PACRG: variants seen among roughly 807,000 people sequenced by gnomAD.
The protein encoded by PACRG is parkin coregulated gene protein.
A neutral mutation model predicts 29.7 loss-of-function variants in PACRG; 29 were observed. The ratio of observed to expected loss-of-function variants is 0.98; its 90% CI spans 0.73 to 1.33. The LOEUF is 1.33. Among genes scored for constraint, PACRG ranks in the 40% most tolerant of loss-of-function variants. The probability of loss-of-function intolerance (pLI) is 0.00; values close to 1 mark genes in which losing one functional copy is unlikely to be tolerated. For missense variants in PACRG, 279 were observed against 316.2 expected (o/e 0.88, Z 0.89); for synonymous variants, 116 against 118.7 (o/e 0.98, Z 0.15).
At chr6:162,970,223 C>T (rs1229038839) in intron 2 of PACRG, among the ~76,000 whole-genome samples, 1 of 152,156 alleles carries the variant, frequency 6.6e-6, no homozygotes, top group Non-Finnish European at 1.5e-5. Flanking sequence ...ATCCCCCAGG[C>T]TGTGCAGATG....
At position 162,894,593 on chromosome 6, in the gene PACRG, A is replaced by G. The variant is rs80143594; in HGVS notation, c.291+80312A>G. Among the ~76,000 whole-genome samples, 224 of 152,328 alleles carry G rather than the reference A, an allele frequency of 1.5e-3. 2 individuals carry two copies. The East Asian group carries it at 0.018, about 12-fold the overall frequency. ...CTGTCTACAAATGAAAATCAGGCCA[A>G]TGCCTGTGGCCTGCAAGGCTTCTCG... On this transcript the variant is annotated intron_variant, in intron 2 of 4. Transcript: ENST00000366888.
intron 4 of PACRG, among the ~76,000 whole-genome samples, chr6:163,306,126 A>G (rs1175148934): frequency 1.3e-5 from 2 of 152,250 alleles, no homozygotes; most frequent in African/African-American, 2.4e-5. Context: ...GGGAATAATA[A>G]TAGTATTTAG....
Position 162,926,605 on chromosome 6 carries a change from C to T in PACRG, c.291+112324C>T, listed in dbSNP as rs143354128. ...TGTGAGAGAACTGGCTAACCATATGCGGAAAACTGAAACTGGGTCCCTTCC... is the reference window on the plus strand; with the variant it reads ...TGTGAGAGAACTGGCTAACCATATGTGGAAAACTGAAACTGGGTCCCTTCC... On this transcript the variant is annotated intron_variant, in intron 2 of 4. Transcript: ENST00000366888. 9.6e-3 allele frequency among the ~76,000 whole-genome samples: 1,461 copies of T among 152,120 alleles called. 16 individuals carry two copies. Among genetic ancestry groups the T allele is most frequent in the Non-Finnish European group, 0.014 (950 of 67,956 alleles).
chr6:162,984,170 C>T (rs1018152014), intron 2 of PACRG, among the ~76,000 whole-genome samples: 16 of 151,816 alleles, frequency 1.1e-4, no homozygotes, highest in African/African-American at 3.9e-4. Flanking sequence ...TATTCTTCAC[C>T]ACCCCCACCA....
At chr6:162,857,873 G>T (rs1791537096) in intron 2 of PACRG, among the ~76,000 whole-genome samples, 2 of 151,784 alleles carry the variant, frequency 1.3e-5, no homozygotes, top group Admixed American at 6.6e-5. Context: ...TGTTTCAAAG[G>T]CTTCTTAATT....
chr6:163,032,765 C>A (rs1253321909), intron 2 of PACRG, among the ~76,000 whole-genome samples: 2 of 152,088 alleles, frequency 1.3e-5, no homozygotes, highest in Admixed American at 6.6e-5. Context: ...GATGTCAGAC[C>A]CAATTCTTAG....
At chr6:163,314,751 A>G in intron 4 of PACRG, 76 bp from the exon 5 acceptor site, 1 of 1,470,986 alleles carries the variant, frequency 6.8e-7, no homozygotes, top group Non-Finnish European at 9.1e-7. Flanking sequence ...ATTCAGAGAA[A>G]ATGCCTAGAC....
At chr6:162,821,165 A>G (rs1462526757) in intron 2 of PACRG, among the ~76,000 whole-genome samples, 25 of 152,206 alleles carry the variant, frequency 1.6e-4, no homozygotes, top group Admixed American at 1.4e-3. Flanking sequence ...CCTGCTGCCT[A>G]TATAATTTAT....
chr6:163,287,152 G>A (rs778992977), intron 4 of PACRG, among the ~76,000 whole-genome samples: 40 of 152,122 alleles, frequency 2.6e-4, no homozygotes, highest in Non-Finnish European at 4.1e-4. Flanking sequence ...CTGTCGGAAC[G>A]AAAGTGATTT....
At chr6:162,831,284 T>C (rs899367454) in intron 2 of PACRG, among the ~76,000 whole-genome samples, 1 of 152,184 alleles carries the variant, frequency 6.6e-6, no homozygotes, top group Non-Finnish European at 1.5e-5. Context: ...GTTCAATTTA[T>C]ATTTATTGCT....
At chr6:162,914,954 A>G (rs1207091016) in intron 2 of PACRG, among the ~76,000 whole-genome samples, 1 of 152,000 alleles carries the variant, frequency 6.6e-6, no homozygotes, top group African/African-American at 2.4e-5. Flanking sequence ...AGATTTTTGT[A>G]TAAACAATAA....
intron 2 of PACRG, among the ~76,000 whole-genome samples, chr6:162,968,951 G>T (rs912808769): frequency 2.1e-5 from 3 of 145,876 alleles, no homozygotes; most frequent in South Asian, 2.2e-4. Context: ...GGAGGCTGAG[G>T]CAGGAGAATC....
At chr6:163,263,905 T>C (rs1783430716) in intron 4 of PACRG, among the ~76,000 whole-genome samples, 2 of 152,196 alleles carry the variant, frequency 1.3e-5, no homozygotes, top group African/African-American at 4.8e-5. Context: ...TGACTTCATT[T>C]GTAATACTAA....
At chr6:163,268,300 GC>G (rs1302486732) in intron 4 of PACRG, among the ~76,000 whole-genome samples, 1 of 151,956 alleles carries the variant, frequency 6.6e-6, no homozygotes, top group African/African-American at 2.4e-5. Flanking sequence ...TACTCGGGAG[GC>G]TGAGGCAAGA....
At chr6:162,968,126 G>A (rs1442969828) in intron 2 of PACRG, among the ~76,000 whole-genome samples, 1 of 152,128 alleles carries the variant, frequency 6.6e-6, no homozygotes, top group African/African-American at 2.4e-5. Flanking sequence ...GTAGGTGAAT[G>A]AATCTCTGAT....
At chr6:163,226,780 C>T in intron 4 of PACRG, among the ~76,000 whole-genome samples, 1 of 152,196 alleles carries the variant, frequency 6.6e-6, no homozygotes, top group Non-Finnish European at 1.5e-5. Flanking sequence ...TGGGGCAGTA[C>T]TCAGCAGCAG....
chr6:163,229,986 T>TA (rs1385912968), intron 4 of PACRG, among the ~76,000 whole-genome samples: 5 of 152,244 alleles, frequency 3.3e-5, no homozygotes, highest in South Asian at 4.1e-4. Flanking sequence ...AAATAAATAA[T>TA]AAAAAACAGC....
intron 2 of PACRG, among the ~76,000 whole-genome samples, chr6:162,902,628 A>G (rs908236794): frequency 6.6e-6 from 1 of 152,228 alleles, no homozygotes; most frequent in African/African-American, 2.4e-5. Context: ...GAAGATGTAT[A>G]CAGAATACTT....
intron 4 of PACRG, among the ~76,000 whole-genome samples, chr6:163,226,872 T>G (rs12192550): frequency 0.54 from 81,969 of 152,074 alleles, 22,169 homozygotes; most frequent in East Asian, 0.64. Context: ...TCTATTTTAA[T>G]TAAAAGAGCC....
Sources: allele counts gnomAD v4.1 joint callset (sites outside exome capture counted in the v4.1 genomes callset), GRCh38; gene constraint gnomAD v4.1.1; transcripts MANE v1.5; gene names NCBI Gene and HGNC (gene_info 2026-07-23, HGNC 2026-07-21).